SERPINB7: variants seen among roughly 807,000 people sequenced by gnomAD.
SERPINB7 encodes the protein serpin B7.
A neutral mutation model predicts 37.4 loss-of-function variants in SERPINB7; 31 were observed. That is an observed-to-expected ratio of 0.83 (90% CI 0.62 to 1.12). The LOEUF is 1.12. Among genes scored for constraint, SERPINB7 ranks in the 50% most tolerant of loss-of-function variants. The pLI is 0.00. For missense variants in SERPINB7, 521 were observed against 455.3 expected, an observed-to-expected ratio of 1.14 and a Z score of -1.31; for synonymous variants, 163 against 166.1, an observed-to-expected ratio of 0.98 and a Z score of 0.14.
chr18:63,799,223 T>A (rs1373127626), intron 6 of SERPINB7, among the ~76,000 whole-genome samples: 1 of 152,238 alleles, frequency 6.6e-6, no homozygotes, highest in East Asian at 1.9e-4. Flanking sequence ...ATGTATTTCT[T>A]CATTTAGTTC....
upstream of SERPINB7, among the ~76,000 whole-genome samples, chr18:63,773,070 C>T (rs1433193655): frequency 1.3e-5 from 2 of 152,032 alleles, no homozygotes; most frequent in Non-Finnish European, 2.9e-5. Flanking sequence ...AACTGAATTC[C>T]TTTGTGTCCT....
At chr18:63,800,411 G>GA (rs906038786) in intron 6 of SERPINB7, among the ~76,000 whole-genome samples, 19 of 149,698 alleles carry the variant, frequency 1.3e-4, no homozygotes, top group African/African-American at 4.9e-5. Flanking sequence ...CTTCTGAGAA[G>GA]AAAAAAAAAC....
chr18:63,756,804 T>TGTGTGTGTG (rs2049124615), intron 1 of SERPINB7, among the ~76,000 whole-genome samples: 62 of 137,346 alleles, frequency 4.5e-4, no homozygotes, highest in Admixed American at 1.2e-3. Flanking sequence ...TTGGGGTAGC[T>TGTGTGTGTG]TGTGTGTGTG....
At chr18:63,762,375 G>T (rs569875044) in intron 1 of SERPINB7, among the ~76,000 whole-genome samples, 1 of 152,282 alleles carries the variant, frequency 6.6e-6, no homozygotes, top group South Asian at 2.1e-4. Flanking sequence ...TCTTATCTCT[G>T]CAGAGACAGT....
At chr18:63,800,108 T>C (rs1463866969) in intron 6 of SERPINB7, among the ~76,000 whole-genome samples, 1 of 151,848 alleles carries the variant, frequency 6.6e-6, no homozygotes, top group Non-Finnish European at 1.5e-5. Flanking sequence ...GGCTGGAGTG[T>C]AGTGGTGAAC....
intron 1 of SERPINB7, among the ~76,000 whole-genome samples, chr18:63,766,647 T>A (rs901672276): frequency 1.3e-5 from 2 of 152,084 alleles, no homozygotes; most frequent in African/African-American, 4.8e-5. Context: ...TCCTTCACCG[T>A]CTATTATTCT....
At position 63,782,377 on chromosome 18, in the gene SERPINB7, C is replaced by T; in HGVS notation, c.5C>T (p.Ala2Val). Reference protein sequence around the residue: MASLAAANAEFC... With the variant: MVSLAAANAEFC... ...TAGGCTGCACTCCATTTTGCAATGGCCTCCCTTGCTGCAGCAAATGCAGAG... is the reference window on the plus strand; with the variant it reads ...TAGGCTGCACTCCATTTTGCAATGGTCTCCCTTGCTGCAGCAAATGCAGAG... The change falls in exon 2 of 8, where the codon GCC (alanine) becomes GTC (valine). Residue 2 changes from alanine to valine, a missense_variant. Transcript: ENST00000398019. 6.2e-7 allele frequency: 1 copy of T among 1,609,992 alleles called. No individual in the cohort carries two copies. Among genetic ancestry groups the T allele is most frequent in the Non-Finnish European group, 8.5e-7 (1 of 1,177,628 alleles).
intron 2 of SERPINB7, among the ~76,000 whole-genome samples, chr18:63,785,891 TATATAATATAC>T (rs2049359945): frequency 2.9e-5 from 4 of 137,910 alleles, no homozygotes; most frequent in Non-Finnish European, 4.6e-5. Flanking sequence ...TTTATATATA[TATATAATATAC>T]GTATATATAC....
chr18:63,787,843 A>G (rs1453818494), intron 2 of SERPINB7, among the ~76,000 whole-genome samples: 8 of 152,182 alleles, frequency 5.3e-5, no homozygotes, highest in Non-Finnish European at 1.2e-4. Context: ...ATTTTGGTCT[A>G]TGATGGACCA....
chr18:63,777,282 A>G (rs1393409301), intron 1 of SERPINB7, among the ~76,000 whole-genome samples: 1 of 152,100 alleles, frequency 6.6e-6, no homozygotes, highest in Non-Finnish European at 1.5e-5. Flanking sequence ...GGCCCACTCT[A>G]TTCTATAGCA....
Position 63,787,532 on chromosome 18 carries a change from T to C in SERPINB7, c.169-4861T>C, listed in dbSNP as rs546989501. On this transcript the variant is annotated intron_variant, in intron 2 of 7. Coordinates refer to ENST00000398019, the MANE Select transcript of SERPINB7 (RefSeq NM_003784.4). ...TATAATTTTAAAATTATTGCCTGGG[T>C]GCCACAAGCATTATCTCAGAAAAGA... Among the ~76,000 whole-genome samples the C allele has an allele frequency of 4.8e-4, 73 of 152,286 alleles. No homozygotes were observed. The Middle Eastern group carries it at 0.01, about 21-fold the overall frequency.
chr18:63,796,967 A>C (rs962696059), intron 5 of SERPINB7, among the ~76,000 whole-genome samples: 1 of 152,212 alleles, frequency 6.6e-6, no homozygotes, highest in Admixed American at 6.5e-5. Context: ...TCATTTAAAA[A>C]TGTTCTTTAT....
In SERPINB7 at chr18:63,765,888, AT is replaced by A. The variant is rs751548849; in HGVS notation, c.-19+12774del. Among the ~76,000 whole-genome samples the A allele has an allele frequency of 6.9e-4, 105 of 152,216 alleles. 1 individual carries two copies. Among genetic ancestry groups the A allele is most frequent in the Non-Finnish European group, 1.3e-4 (9 of 67,982 alleles). Reference sequence around the variant, plus strand: ...AGGTTTCAAGCAGCTGAAAAACAGCATTTTTTCATGTAATTAGAAGTTTAGA... The same window carrying A: ...AGGTTTCAAGCAGCTGAAAAACAGCATTTTTCATGTAATTAGAAGTTTAGA... On this transcript the variant is annotated intron_variant, in intron 1 of 7. Transcript: ENST00000336429.
intron 7 of SERPINB7, 94 bp from the exon 8 acceptor site, chr18:63,804,143 G>A: frequency 1.1e-6 from 1 of 899,390 alleles, no homozygotes; most frequent in Non-Finnish European, 1.6e-6. Flanking sequence ...TATCCAGGAA[G>A]CGATAATTAT....
chr18:63,791,810 C>T (rs1279714748), intron 2 of SERPINB7, among the ~76,000 whole-genome samples: 1 of 152,036 alleles, frequency 6.6e-6, no homozygotes, highest in Admixed American at 6.5e-5. Context: ...CGGGTTTTCA[C>T]CGTGTTAGCC....
Position 63,786,142 on chromosome 18 carries a change from TACAC to T in SERPINB7, c.168+3623_168+3626del, listed in dbSNP as rs55971632. 8.6e-3 allele frequency among the ~76,000 whole-genome samples: 394 copies of T among 45,912 alleles called. 16 individuals are homozygous for T. The highest frequency in any genetic ancestry group is 0.017 in the East Asian group (18 of 1,062). The allele number at this position is 45,912 out of a possible 152,430, so 30.1% of individuals were successfully genotyped here. On this transcript the variant is annotated intron_variant, in intron 2 of 7. Coordinates refer to ENST00000398019, the MANE Select transcript of SERPINB7 (RefSeq NM_003784.4). ...GTATATATATACGTATATACATATATACACACACACACACACACACACACCAGCA... is the reference window on the plus strand; with the variant it reads ...GTATATATATACGTATATACATATATACACACACACACACACACACCAGCA...
At chr18:63,784,281 G>A (rs1456475342) in intron 2 of SERPINB7, among the ~76,000 whole-genome samples, 1 of 152,112 alleles carries the variant, frequency 6.6e-6, no homozygotes, top group Non-Finnish European at 1.5e-5. Flanking sequence ...ATAAATCTTT[G>A]TTGTGAGGGG....
At chr18:63,781,204 T>C (rs532183227) in intron 1 of SERPINB7, among the ~76,000 whole-genome samples, 1 of 152,270 alleles carries the variant, frequency 6.6e-6, no homozygotes, top group African/African-American at 2.4e-5. Context: ...AACATGCCAG[T>C]CCCCAGATGC....
chr18:63,787,610 C>A (rs1254248201), intron 2 of SERPINB7, among the ~76,000 whole-genome samples: 3 of 152,060 alleles, frequency 2.0e-5, no homozygotes, highest in African/African-American at 7.2e-5. Context: ...TTGTTCCATG[C>A]ACATATTCCT....
Sources: allele counts gnomAD v4.1 joint callset (sites outside exome capture counted in the v4.1 genomes callset), GRCh38; gene constraint gnomAD v4.1.1; transcripts MANE v1.5; gene names NCBI Gene and HGNC (gene_info 2026-07-23, HGNC 2026-07-21).